SLC30A8: variants seen among roughly 807,000 people sequenced by gnomAD.
SLC30A8 encodes proton-coupled zinc antiporter SLC30A8.
Under a neutral mutation model 36.9 loss-of-function variants are expected in SLC30A8, and 27 were observed. The ratio of observed to expected loss-of-function variants is 0.73; its 90% CI spans 0.54 to 1.01. The LOEUF (loss-of-function observed/expected upper bound fraction) is 1.01. Among genes scored for constraint, SLC30A8 ranks in the 50% least tolerant of loss-of-function variants. The pLI is 0.00. For synonymous variants in SLC30A8, 164 were observed against 172.4 expected, an observed-to-expected ratio of 0.95 and a Z score of 0.38; for missense variants, 439 against 452.0, an observed-to-expected ratio of 0.97 and a Z score of 0.26.
intron 1 of SLC30A8, among the ~76,000 whole-genome samples, chr8:116,985,558 A>G (rs1815416714): frequency 6.6e-6 from 1 of 152,160 alleles, no homozygotes; most frequent in African/African-American, 2.4e-5. Flanking sequence ...ATGAAGAATA[A>G]ATTCTCAGAC....
At chr8:117,006,187 G>A (rs1816165763) in intron 1 of SLC30A8, among the ~76,000 whole-genome samples, 1 of 152,178 alleles carries the variant, frequency 6.6e-6, no homozygotes, top group Non-Finnish European at 1.5e-5. Flanking sequence ...GGATGTTGGT[G>A]ATGCAAGTAA....
chr8:116,990,095 A>G, intron 1 of SLC30A8, among the ~76,000 whole-genome samples: 1 of 152,220 alleles, frequency 6.6e-6, no homozygotes, highest in East Asian at 1.9e-4. Flanking sequence ...AGGCTGAAAT[A>G]ATGATATTTA....
At chr8:116,974,014 C>T (rs542771680) in intron 1 of SLC30A8, among the ~76,000 whole-genome samples, 9 of 152,290 alleles carry the variant, frequency 5.9e-5, no homozygotes, top group African/African-American at 2.2e-4. Flanking sequence ...GGATCCCTTC[C>T]TTACACCTTA....
chr8:117,099,736 T>G (rs1315421215), intron 2 of SLC30A8, among the ~76,000 whole-genome samples: 2 of 152,304 alleles, frequency 1.3e-5, no homozygotes, highest in South Asian at 2.1e-4. Context: ...AGTCTCTTTT[T>G]GGACAATAAA....
intron 2 of SLC30A8, among the ~76,000 whole-genome samples, chr8:117,148,212 CTT>C (rs1201298456): frequency 1.3e-5 from 2 of 151,948 alleles, no homozygotes; most frequent in Non-Finnish European, 2.9e-5. Flanking sequence ...GAGAAGATAG[CTT>C]TTTTGTTGTT....
chr8:116,982,806 A>T lies in SLC30A8; in HGVS notation c.-266+31687A>T, dbSNP rs185189396. On this transcript the variant is annotated intron_variant, in intron 1 of 10. Transcript: ENST00000427715. ...GGTAAAGGGGCACATATATTTTTTTAAAAAAATTAATTCATGCTCCCTGGA... is the reference window on the plus strand; with the variant it reads ...GGTAAAGGGGCACATATATTTTTTTTAAAAAATTAATTCATGCTCCCTGGA... 1.4e-3 allele frequency among the ~76,000 whole-genome samples: 209 copies of T among 152,212 alleles called. 1 individual carries two copies. In the South Asian group the frequency reaches 0.021, roughly 15 times the overall value.
intron 1 of SLC30A8, among the ~76,000 whole-genome samples, chr8:116,980,159 A>T (rs1815203892): frequency 6.6e-6 from 1 of 152,172 alleles, no homozygotes; most frequent in Non-Finnish European, 1.5e-5. Context: ...ATAAGTACAT[A>T]TTGCCTTAAT....
intron 2 of SLC30A8, among the ~76,000 whole-genome samples, chr8:117,072,741 TA>T (rs1192423713): frequency 2.0e-5 from 3 of 151,770 alleles, no homozygotes; most frequent in Non-Finnish European, 2.9e-5. Context: ...TAAAGGGACA[TA>T]AAAAATGAAG....
At chr8:117,051,068 A>G (rs1248923988) in intron 2 of SLC30A8, among the ~76,000 whole-genome samples, 1 of 152,256 alleles carries the variant, frequency 6.6e-6, no homozygotes, top group Non-Finnish European at 1.5e-5. Context: ...TGGTCAGAGT[A>G]TAATCTAAAA....
At chr8:117,052,127 C>G (rs1563569762) in intron 2 of SLC30A8, among the ~76,000 whole-genome samples, 1 of 152,166 alleles carries the variant, frequency 6.6e-6, no homozygotes. Flanking sequence ...TCTCCTGCCT[C>G]AGCCTCCCAA....
chr8:117,117,367 A>G (rs1460535435), intron 2 of SLC30A8, among the ~76,000 whole-genome samples: 3 of 152,030 alleles, frequency 2.0e-5, no homozygotes, highest in South Asian at 2.1e-4. Context: ...GGAGTTCTGA[A>G]TATGTAACAT....
intron 1 of SLC30A8, among the ~76,000 whole-genome samples, chr8:116,972,818 A>C (rs999986262): frequency 6.6e-6 from 1 of 152,196 alleles, no homozygotes; most frequent in African/African-American, 2.4e-5. Context: ...CGAATTGTTC[A>C]CAATTTCAAG....
intron 2 of SLC30A8, among the ~76,000 whole-genome samples, chr8:117,122,139 G>A (rs1820719470): frequency 6.6e-6 from 1 of 151,896 alleles, no homozygotes; most frequent in Non-Finnish European, 1.5e-5. Context: ...TAGTAACTGA[G>A]GCTTAGAAGC....
chr8:116,981,534 T>G (rs1351325326), intron 1 of SLC30A8, among the ~76,000 whole-genome samples: 2 of 152,220 alleles, frequency 1.3e-5, no homozygotes, highest in Non-Finnish European at 2.9e-5. Flanking sequence ...GCATAGCACC[T>G]GTTAGGTAGT....
intron 2 of SLC30A8, among the ~76,000 whole-genome samples, chr8:117,150,679 C>T (rs1356266722): frequency 6.6e-6 from 1 of 152,106 alleles, no homozygotes; most frequent in Admixed American, 6.5e-5. Flanking sequence ...GATCTTGGCT[C>T]ACTGCAAGCT....
At chr8:117,101,747 G>A (rs1819732456) in intron 2 of SLC30A8, among the ~76,000 whole-genome samples, 1 of 152,166 alleles carries the variant, frequency 6.6e-6, no homozygotes, top group Non-Finnish European at 1.5e-5. Context: ...GGAAAGACTA[G>A]ACTGGTTTAG....
At chr8:117,052,416 A>C (rs1230091412) in intron 2 of SLC30A8, among the ~76,000 whole-genome samples, 1 of 152,236 alleles carries the variant, frequency 6.6e-6, no homozygotes, top group African/African-American at 2.4e-5. Context: ...AGATGAAAAA[A>C]CATATTTACC....
chr8:117,105,287 T>C (rs1819943052), intron 2 of SLC30A8, among the ~76,000 whole-genome samples: 1 of 152,142 alleles, frequency 6.6e-6, no homozygotes, highest in Admixed American at 6.5e-5. Flanking sequence ...TTTTCTATCA[T>C]GCACCTAAAA....
chr8:117,134,503 A>C (rs533994155), upstream of SLC30A8, among the ~76,000 whole-genome samples: 7 of 152,056 alleles, frequency 4.6e-5, no homozygotes, highest in East Asian at 1.4e-3. Context: ...GTCTCCCAGG[A>C]GCAACTCAGA....
Sources: gnomAD v4.1 joint callset for allele counts (sites outside exome capture counted in the v4.1 genomes callset) on GRCh38, gnomAD v4.1.1 for gene constraint, MANE v1.5 for transcripts, NCBI Gene and HGNC (gene_info 2026-07-23, HGNC 2026-07-21) for gene names.